FRMD4A: variants seen among roughly 807,000 people sequenced by gnomAD.
FRMD4A encodes FERM domain containing 4A, also known as FERM domain-containing protein 4A.
FRMD4A carries 29 observed loss-of-function variants against 129.1 expected under a neutral mutation model. The ratio of observed to expected loss-of-function variants is 0.22; its 90% confidence interval spans 0.17 to 0.31. FRMD4A has a LOEUF of 0.31. FRMD4A is among the 10% of genes least tolerant of loss of function. The probability of loss-of-function intolerance (pLI) is 1.00; values close to 1 mark genes in which losing one functional copy is unlikely to be tolerated. For missense variants in FRMD4A, 1,272 were observed against 1,375.8 expected (o/e 0.92, Z 1.19); for synonymous variants, 634 against 571.6 (o/e 1.11, Z -1.56).
At chr10:14,322,005 G>A (rs200009194) in intron 2 of FRMD4A, among the ~76,000 whole-genome samples, 4 of 151,958 alleles carry the variant, frequency 2.6e-5, no homozygotes, top group Admixed American at 6.6e-5. Context: ...CTTCCTCTTC[G>A]TCTTCCACCA....
chr10:14,015,817 A>G (rs2095697388), intron 2 of FRMD4A, among the ~76,000 whole-genome samples: 1 of 152,152 alleles, frequency 6.6e-6, no homozygotes, highest in South Asian at 2.1e-4. Context: ...AAAGTTTTAA[A>G]ATATATAATT....
chr10:13,897,042 G>A (rs2094766810), intron 2 of FRMD4A, among the ~76,000 whole-genome samples: 1 of 150,322 alleles, frequency 6.7e-6, no homozygotes. Flanking sequence ...CCATTGTTCA[G>A]TTAAGTGGCA....
chr10:14,185,495 A>G (rs967754443), intron 2 of FRMD4A, among the ~76,000 whole-genome samples: 2 of 152,288 alleles, frequency 1.3e-5, no homozygotes, highest in African/African-American at 2.4e-5. Context: ...TAATTTTTCT[A>G]ACTTCAAGTA....
chr10:14,327,069 G>T (rs576374514), intron 2 of FRMD4A: 1 of 397,962 alleles, frequency 2.5e-6, no homozygotes, highest in Non-Finnish European at 4.4e-6. Flanking sequence ...GTCCAGGCAT[G>T]CTTACCACCT....
At chr10:13,888,575 G>C (rs2094653831) in intron 2 of FRMD4A, among the ~76,000 whole-genome samples, 1 of 152,056 alleles carries the variant, frequency 6.6e-6, no homozygotes, top group African/African-American at 2.4e-5. Context: ...TAGTTTTTAG[G>C]GTTTAGACTG....
intron 12 of FRMD4A, among the ~76,000 whole-genome samples, chr10:13,717,742 A>T (rs117427784): frequency 0.012 from 1,491 of 120,146 alleles, 63 homozygotes; most frequent in South Asian, 0.12. Flanking sequence ...GGCAGTTGGC[A>T]TTTCTCTTAT....
rs147720081 is a variant in FRMD4A, at chr10:14,168,313, C to T, written c.45+161745G>A. 5.9e-5 allele frequency among the ~76,000 whole-genome samples: 9 copies of T among 152,272 alleles called. No individual in the cohort carries two copies. The East Asian group carries it at 1.5e-3, about 26-fold the overall frequency. ...ACATGAGATCATCTGTGTCCAACCT[C>T]GTAAGAGCTGAAGCATGGAAGAAAG... On this transcript the variant is annotated intron_variant, in intron 2 of 24. Coordinates refer to ENST00000357447, the MANE Select transcript of FRMD4A (RefSeq NM_018027.5).
At chr10:14,007,901 T>TA (rs1245427843) in intron 2 of FRMD4A, among the ~76,000 whole-genome samples, 2 of 152,148 alleles carry the variant, frequency 1.3e-5, no homozygotes, top group African/African-American at 4.8e-5. Flanking sequence ...CATTATCTGT[T>TA]AAAAAACTAA....
At chr10:13,908,158 T>C (rs1589237298) in intron 2 of FRMD4A, among the ~76,000 whole-genome samples, 2 of 58,816 alleles carry the variant, frequency 3.4e-5, no homozygotes, top group African/African-American at 6.0e-5. Context: ...AGACGGAAAC[T>C]CCATCTAAAA....
intron 15 of FRMD4A, among the ~76,000 whole-genome samples, chr10:13,680,187 T>C (rs2084415791): frequency 6.6e-6 from 1 of 152,200 alleles, no homozygotes; most frequent in Non-Finnish European, 1.5e-5. Context: ...CTGGTCACAG[T>C]GGCTCACACC....
At chr10:13,702,626 T>C (rs1341662255) in intron 13 of FRMD4A, among the ~76,000 whole-genome samples, 3 of 152,090 alleles carry the variant, frequency 2.0e-5, no homozygotes, top group Non-Finnish European at 4.4e-5. Flanking sequence ...GCATTTTACA[T>C]GGACATCAGA....
chr10:13,928,034 T>G (rs1343227337), intron 2 of FRMD4A, among the ~76,000 whole-genome samples: 1 of 77,570 alleles, frequency 1.3e-5, no homozygotes, highest in Non-Finnish European at 2.9e-5. Flanking sequence ...TTTTTTTTTT[T>G]TTCTGAGACA....
chr10:14,318,640 A>G (rs1037830098), intron 2 of FRMD4A, among the ~76,000 whole-genome samples: 2 of 151,348 alleles, frequency 1.3e-5, no homozygotes, highest in East Asian at 3.9e-4. Flanking sequence ...TGACTCCTTC[A>G]GATATCAACC....
At chr10:14,251,180 T>C (rs895130287) in intron 2 of FRMD4A, among the ~76,000 whole-genome samples, 2 of 152,218 alleles carry the variant, frequency 1.3e-5, no homozygotes, top group African/African-American at 2.4e-5. Flanking sequence ...GATTTGTTTC[T>C]AACTATTCAA....
intron 3 of FRMD4A, among the ~76,000 whole-genome samples, chr10:13,812,974 G>A (rs1006335383): frequency 3.9e-5 from 6 of 152,348 alleles, no homozygotes; most frequent in South Asian, 2.1e-4. Context: ...TCAGAAGGTC[G>A]CTGATGAATT....
chr10:14,175,857 A>G lies in FRMD4A; in HGVS notation c.45+154201T>C, dbSNP rs554498472. Among the ~76,000 whole-genome samples, 22 of 152,126 alleles carry G rather than the reference A, an allele frequency of 1.4e-4. No homozygotes were observed. The South Asian group carries it at 4.6e-3, about 32-fold the overall frequency. On this transcript the variant is annotated intron_variant, in intron 2 of 24. Transcript: ENST00000357447. ...CTATTCTTAACTCTTTCTCTGCGTC[A>G]CCTTAGTTGCAGGCTGCAACCTCAT...
At chr10:13,934,941 C>G (rs1281385056) in intron 2 of FRMD4A, among the ~76,000 whole-genome samples, 1 of 152,088 alleles carries the variant, frequency 6.6e-6, no homozygotes, top group African/African-American at 2.4e-5. Context: ...TCAGGTGAGG[C>G]CTCTGTCTGC....
chr10:14,137,929 C>A (rs573757256), intron 2 of FRMD4A, among the ~76,000 whole-genome samples: 13 of 152,268 alleles, frequency 8.5e-5, no homozygotes, highest in African/African-American at 3.1e-4. Context: ...TGGAGATGAG[C>A]AACCCAACAT....
chr10:13,764,659 C>T (rs908844775), intron 6 of FRMD4A, among the ~76,000 whole-genome samples: 2 of 152,190 alleles, frequency 1.3e-5, no homozygotes, highest in African/African-American at 4.8e-5. Flanking sequence ...AAAGAGAAGC[C>T]TGGAGTCCAT....
Sources: gnomAD v4.1 joint callset for allele counts (sites outside exome capture counted in the v4.1 genomes callset) on GRCh38, gnomAD v4.1.1 for gene constraint, MANE v1.5 for transcripts, NCBI Gene and HGNC (gene_info 2026-07-23, HGNC 2026-07-21) for gene names.